ADAM22: variants seen among roughly 807,000 people sequenced by gnomAD.
The protein encoded by ADAM22 is ADAM metallopeptidase domain 22.
A neutral mutation model predicts 144.6 loss-of-function variants in ADAM22; 65 were observed. That is an observed-to-expected ratio of 0.45 (90% CI 0.37 to 0.55). ADAM22 has a LOEUF of 0.55. Ranked by LOEUF, ADAM22 falls within the 20% of genes least tolerant of loss-of-function variation. The pLI is 0.00. For synonymous variants in ADAM22, 391 were observed against 412.6 expected, an observed-to-expected ratio of 0.95 and a Z score of 0.63; for missense variants, 974 against 1,184.9, an observed-to-expected ratio of 0.82 and a Z score of 2.61.
At chr7:88,114,877 A>T (rs1331304622) in intron 6 of ADAM22, among the ~76,000 whole-genome samples, 1 of 152,228 alleles carries the variant, frequency 6.6e-6, no homozygotes, top group African/African-American at 2.4e-5. Context: ...TAAATGCATC[A>T]TAAAGTCAAA....
intron 17 of ADAM22, among the ~76,000 whole-genome samples, chr7:88,148,744 A>G (rs138900485): frequency 2.0e-5 from 3 of 152,346 alleles, no homozygotes; most frequent in African/African-American, 7.2e-5. Context: ...ATTTAGCAGT[A>G]TAATATAAGG....
intron 3 of ADAM22, among the ~76,000 whole-genome samples, chr7:88,048,509 CTTGT>C (rs768647560): frequency 3.4e-4 from 51 of 152,014 alleles, no homozygotes; most frequent in Non-Finnish European, 6.5e-4. Context: ...TTTTAAAATA[CTTGT>C]TTATGTTAGG....
chr7:88,118,667 A>ATG (rs1828459414), intron 7 of ADAM22, among the ~76,000 whole-genome samples: 3 of 150,022 alleles, frequency 2.0e-5, no homozygotes, highest in Non-Finnish European at 4.4e-5. Context: ...ATATATATAT[A>ATG]TATCTTTTTT....
intron 2 of ADAM22, among the ~76,000 whole-genome samples, chr7:87,943,080 A>G (rs1374007023): frequency 6.6e-6 from 1 of 151,048 alleles, no homozygotes; most frequent in African/African-American, 2.4e-5. Flanking sequence ...TGGGGGAAAT[A>G]GTTGAAAAAA....
At chr7:88,168,367 G>A in intron 25 of ADAM22, 140 bp downstream of exon 25, 1 of 814,140 alleles carries the variant, frequency 1.2e-6, no homozygotes, top group Non-Finnish European at 2.1e-6. Flanking sequence ...GCCAGTCAAT[G>A]CTTATTCTTG....
At chr7:87,987,272 G>C (rs555957771) in intron 3 of ADAM22, among the ~76,000 whole-genome samples, 1 of 151,980 alleles carries the variant, frequency 6.6e-6, no homozygotes, top group Non-Finnish European at 1.5e-5. Flanking sequence ...TCCGTCTCCC[G>C]GGCTCAAGCA....
intron 5 of ADAM22, among the ~76,000 whole-genome samples, chr7:88,114,307 G>A (rs1379980141): frequency 6.6e-6 from 1 of 152,106 alleles, no homozygotes; most frequent in Admixed American, 6.6e-5. Context: ...GAAAATCTTG[G>A]AATTCTATGT....
intron 4 of ADAM22, among the ~76,000 whole-genome samples, chr7:88,090,371 G>T (rs1819537866): frequency 6.6e-6 from 1 of 152,014 alleles, no homozygotes; most frequent in South Asian, 2.1e-4. Flanking sequence ...CTATGAACAT[G>T]GTGTCTTTCT....
intron 14 of ADAM22, among the ~76,000 whole-genome samples, chr7:88,138,151 T>A (rs1480107932): frequency 6.6e-6 from 1 of 152,162 alleles, no homozygotes; most frequent in East Asian, 1.9e-4. Context: ...TGAGATCCTG[T>A]CTCAAATAAT....
At chr7:87,982,701 T>TATATATATATATAAAA (rs1554373733) in intron 3 of ADAM22, among the ~76,000 whole-genome samples, 2 of 33,782 alleles carry the variant, frequency 5.9e-5, no homozygotes, top group African/African-American at 2.6e-4. Flanking sequence ...ATATATATAA[T>TATATATATATATAAAA]TTTTTTTTTT....
At chr7:88,145,039 A>C in intron 15 of ADAM22, 86 bp from the exon 16 acceptor site, 1 of 1,075,360 alleles carries the variant, frequency 9.3e-7, no homozygotes, top group Non-Finnish European at 1.4e-6. Context: ...CAGGGCAGGT[A>C]TATTTGGGTA....
intron 4 of ADAM22, among the ~76,000 whole-genome samples, chr7:88,095,858 TCTTGC>T (rs1335601490): frequency 6.6e-6 from 1 of 152,188 alleles, no homozygotes; most frequent in East Asian, 1.9e-4. Flanking sequence ...TTATTTTTAT[TCTTGC>T]CTTGACTCTT....
chr7:88,196,665 C>T lies in ADAM22; in HGVS notation c.*174C>T. 1.5e-6 allele frequency: 1 copy of T among 664,966 alleles called. No individual in the cohort carries two copies. Among genetic ancestry groups the T allele is most frequent in the South Asian group, 1.9e-5 (1 of 53,706 alleles). 41.2% of individuals were successfully genotyped at this position (664,966 alleles called of 1,614,324 possible). A position where few individuals can be genotyped will look rare whatever the true frequency, so the allele number is the denominator to read the frequency against. ...CATCTGGTTACCATTTTCTTTTTGT[C>T]ATTGGCTTAGGATTTAACTAACCAT... On this transcript the variant is annotated 3_prime_UTR_variant, in exon 32 of 32. Coordinates refer to ENST00000413139, the MANE Select transcript of ADAM22 (RefSeq NM_001324418.2).
chr7:88,044,634 G>T (rs1804064542), intron 3 of ADAM22, among the ~76,000 whole-genome samples: 1 of 151,790 alleles, frequency 6.6e-6, no homozygotes, highest in Admixed American at 6.6e-5. Flanking sequence ...ATTTAGTAGA[G>T]ACAGGGTTTC....
rs1439084303 is a variant in ADAM22, at chr7:88,101,110, A to G, written c.391-7066A>G. The stretch of plus-strand genomic sequence containing the variant: ...TAGCATATTGGAATCATCTGGGCAG[A>G]TTTTTAAAATACCCAGGTCCCACCC... On this transcript the variant is annotated intron_variant, in intron 4 of 31. Coordinates refer to ENST00000413139, the MANE Select transcript of ADAM22 (RefSeq NM_001324418.2). 3.3e-5 allele frequency among the ~76,000 whole-genome samples: 5 copies of G among 151,764 alleles called. No individual in the cohort carries two copies. In the East Asian group the frequency reaches 9.7e-4, roughly 29 times the overall value.
At chr7:87,950,786 C>G (rs1335458822) in intron 2 of ADAM22, among the ~76,000 whole-genome samples, 1 of 149,914 alleles carries the variant, frequency 6.7e-6, no homozygotes, top group African/African-American at 2.5e-5. Context: ...TTCTCCACAT[C>G]CTCTCCAGCA....
intron 7 of ADAM22, 59 bp from the exon 8 acceptor site, chr7:88,125,530 C>A: frequency 8.0e-7 from 1 of 1,247,184 alleles, no homozygotes; most frequent in Admixed American, 2.0e-5. Flanking sequence ...AAAACTTTGC[C>A]CTGTATTGAA....
In ADAM22 at chr7:88,160,580, G is replaced by A. The variant is rs946136188; in HGVS notation, c.1908-2432G>A. On this transcript the variant is annotated intron_variant, in intron 22 of 31. Transcript: ENST00000413139. ...GCACACCTGCAACCATCTGATCTTC[G>A]ATGAAGCTGACAAAAACAAGTAATG... Among the ~76,000 whole-genome samples, 6 of 152,046 alleles carry A rather than the reference G, an allele frequency of 3.9e-5. No homozygotes were observed. In the East Asian group the frequency reaches 5.8e-4, roughly 15 times the overall value.
intron 3 of ADAM22, among the ~76,000 whole-genome samples, chr7:88,075,392 C>T (rs1029339326): frequency 3.9e-5 from 6 of 152,164 alleles, no homozygotes; most frequent in Non-Finnish European, 8.8e-5. Context: ...CAGCTGTGCT[C>T]AGCAATGGAG....
Sources: allele counts gnomAD v4.1 joint callset (sites outside exome capture counted in the v4.1 genomes callset), GRCh38; gene constraint gnomAD v4.1.1; transcripts MANE v1.5; gene names NCBI Gene and HGNC (gene_info 2026-07-23, HGNC 2026-07-21).